Variants in CCDC148 observed in about 807,000 individuals in gnomAD.
CCDC148 encodes the protein coiled-coil domain containing 148, also known as coiled-coil domain-containing protein 148.
A neutral mutation model predicts 85.7 loss-of-function variants in CCDC148; 89 were observed. That is an observed-to-expected ratio of 1.04 (90% confidence interval 0.87 to 1.24). The LOEUF is 1.24. Among genes scored for constraint, CCDC148 ranks in the 50% most tolerant of loss-of-function variants. The pLI is 0.00. For missense variants in CCDC148, 692 were observed against 671.7 expected, an observed-to-expected ratio of 1.03 and a Z score of -0.33; for synonymous variants, 230 against 213.9, an observed-to-expected ratio of 1.08 and a Z score of -0.66.
intron 1 of CCDC148, among the ~76,000 whole-genome samples, chr2:158,431,856 T>A (rs1311910754): frequency 1.3e-5 from 2 of 152,014 alleles, no homozygotes; most frequent in African/African-American, 4.8e-5. Flanking sequence ...AAGGATAGCT[T>A]GAACCTGGGA....
At chr2:158,312,594 A>C (rs1452316694) in intron 8 of CCDC148, among the ~76,000 whole-genome samples, 3 of 150,644 alleles carry the variant, frequency 2.0e-5, no homozygotes, top group South Asian at 2.1e-4. Flanking sequence ...AAAAAAAAAA[A>C]AAACCAAAAA....
chr2:158,175,043 C>G (rs1325833279), intron 13 of CCDC148, among the ~76,000 whole-genome samples: 2 of 151,994 alleles, frequency 1.3e-5, no homozygotes, highest in Non-Finnish European at 2.9e-5. Flanking sequence ...CTGAACCTAA[C>G]ACATGTTTCC....
chr2:158,249,094 C>T (rs1688685685), intron 10 of CCDC148, among the ~76,000 whole-genome samples: 1 of 152,118 alleles, frequency 6.6e-6, no homozygotes, highest in Non-Finnish European at 1.5e-5. Context: ...ACTTAATTGG[C>T]ACAATTAATT....
At chr2:158,223,331 G>C (rs1449566013) in intron 10 of CCDC148, among the ~76,000 whole-genome samples, 1 of 152,296 alleles carries the variant, frequency 6.6e-6, no homozygotes, top group East Asian at 1.9e-4. Flanking sequence ...AGCTTGACCT[G>C]GGTGGAGCCC....
chr2:158,209,508 T>C (rs1242686559), intron 11 of CCDC148, among the ~76,000 whole-genome samples: 1 of 152,172 alleles, frequency 6.6e-6, no homozygotes, highest in African/African-American at 2.4e-5. Context: ...CCTTTGCTGC[T>C]GTGGAAGACC....
At chr2:158,279,364 G>A (rs1690141433) in intron 9 of CCDC148, among the ~76,000 whole-genome samples, 1 of 152,152 alleles carries the variant, frequency 6.6e-6, no homozygotes, top group Non-Finnish European at 1.5e-5. Flanking sequence ...AGGCAAAGAA[G>A]TTAAAAACTT....
chr2:158,239,319 C>T (rs1465287919), intron 10 of CCDC148, among the ~76,000 whole-genome samples: 1 of 151,878 alleles, frequency 6.6e-6, no homozygotes, highest in Non-Finnish European at 1.5e-5. Context: ...CCTCCCCACC[C>T]ACCCCTGGCT....
chr2:158,402,397 T>C (rs1156419275), intron 1 of CCDC148, among the ~76,000 whole-genome samples: 1 of 149,696 alleles, frequency 6.7e-6, no homozygotes, highest in East Asian at 2.0e-4. Context: ...TTGTTCGTAA[T>C]GCAGATTGGC....
intron 7 of CCDC148, among the ~76,000 whole-genome samples, chr2:158,317,697 GGGCAGACAATGGTGC>G (rs1692344193): frequency 1.3e-5 from 2 of 152,142 alleles, no homozygotes; most frequent in Admixed American, 1.3e-4. Flanking sequence ...TAGGGGTGGA[GGGCAGACAATGGTGC>G]TAAACAGGAC....
At chr2:158,382,421 A>G (rs1684910417) in intron 1 of CCDC148, among the ~76,000 whole-genome samples, 1 of 152,118 alleles carries the variant, frequency 6.6e-6, no homozygotes, top group South Asian at 2.1e-4. Context: ...ATGTCTAGAA[A>G]ATGATGCTTC....
intron 10 of CCDC148, among the ~76,000 whole-genome samples, chr2:158,239,457 G>T (rs1223055971): frequency 6.6e-6 from 1 of 151,990 alleles, no homozygotes; most frequent in Non-Finnish European, 1.5e-5. Flanking sequence ...GAGCTTCTCG[G>T]ATTACCATTC....
intron 1 of CCDC148, among the ~76,000 whole-genome samples, chr2:158,364,818 TA>T (rs1402045943): frequency 6.6e-6 from 1 of 152,182 alleles, no homozygotes; most frequent in Non-Finnish European, 1.5e-5. Context: ...AAATGGGATC[TA>T]ATTAAAATAA....
chr2:158,183,718 T>C (rs576491975), intron 11 of CCDC148, among the ~76,000 whole-genome samples: 3 of 152,282 alleles, frequency 2.0e-5, no homozygotes, highest in Admixed American at 1.3e-4. Context: ...ATAATCAAAC[T>C]TGCTACTTAG....
At chr2:158,406,613 C>CTTTTTTTTTCTGTTTTTTTTTTTG (rs1559124447) in intron 1 of CCDC148, among the ~76,000 whole-genome samples, 2 of 31,462 alleles carry the variant, frequency 6.4e-5, no homozygotes, top group Admixed American at 4.7e-4. Flanking sequence ...GATTAAATTT[C>CTTTTTTTTTCTGTTTTTTTTTTTG]TTTTTTTTTT....
chr2:158,197,339 A>G (rs1685727584), intron 11 of CCDC148, among the ~76,000 whole-genome samples: 1 of 152,138 alleles, frequency 6.6e-6, no homozygotes, highest in South Asian at 2.1e-4. Context: ...ATTACGAAAA[A>G]GTCACTCAAA....
At chr2:158,401,555 C>G (rs902549833) in intron 1 of CCDC148, among the ~76,000 whole-genome samples, 2 of 151,946 alleles carry the variant, frequency 1.3e-5, no homozygotes, top group African/African-American at 4.8e-5. Flanking sequence ...TGGTGGGGGA[C>G]TGGAGAGGGA....
intron 9 of CCDC148, among the ~76,000 whole-genome samples, chr2:158,295,672 C>G (rs909527598): frequency 1.4e-5 from 2 of 139,104 alleles, no homozygotes; most frequent in Non-Finnish European, 3.1e-5. Flanking sequence ...CAAAATTCAA[C>G]AATGCTTCAT....
chr2:158,323,919 C>CTTTTTTTTTTT lies in CCDC148; in HGVS notation c.765-10036_765-10026dup, dbSNP rs777356867. The stretch of plus-strand genomic sequence containing the variant: ...GTCTAATTTCACCACCTGGGAATAA[C>CTTTTTTTTTTT]TTTTTTTTTTTTTTTTTTTTTTTTT... On this transcript the variant is annotated intron_variant, in intron 7 of 13. Transcript: ENST00000283233. 4.3e-3 allele frequency among the ~76,000 whole-genome samples: 355 copies of CTTTTTTTTTTT among 82,972 alleles called. 27 individuals are homozygous for CTTTTTTTTTTT. Among genetic ancestry groups the CTTTTTTTTTTT allele is most frequent in the Non-Finnish European group, 7.0e-3 (291 of 41,616 alleles). 54.4% of individuals were successfully genotyped at this position (82,972 alleles called of 152,430 possible). A position where few individuals can be genotyped will look rare whatever the true frequency, so the allele number is the denominator to read the frequency against.
intron 9 of CCDC148, among the ~76,000 whole-genome samples, chr2:158,255,096 T>C (rs1291154104): frequency 6.7e-6 from 1 of 150,304 alleles, no homozygotes. Flanking sequence ...AGTTTGTAGA[T>C]CTTAATACAA....
Sources: allele counts gnomAD v4.1 joint callset (sites outside exome capture counted in the v4.1 genomes callset), GRCh38; gene constraint gnomAD v4.1.1; transcripts MANE v1.5; gene names NCBI Gene and HGNC (gene_info 2026-07-23, HGNC 2026-07-21).